Variants in AVL9 observed in about 807,000 individuals in gnomAD.
The protein encoded by AVL9 is AVL9 cell migration associated.
AVL9 carries 49 observed loss-of-function variants against 79.2 expected under a neutral mutation model. That is an observed-to-expected ratio of 0.62 (90% confidence interval 0.49 to 0.79). AVL9 has a LOEUF of 0.79. AVL9 is among the 30% of genes least tolerant of loss of function. The pLI is 0.00. For synonymous variants in AVL9, 299 were observed against 280.6 expected (o/e 1.07, Z -0.65); for missense variants, 682 against 776.8 (o/e 0.88, Z 1.45).
At chr7:32,538,272 A>G (rs1193567358) in intron 1 of AVL9, 1 of 152,254 alleles carries the variant, frequency 6.6e-6, no homozygotes, top group East Asian at 1.9e-4. Flanking sequence ...AGATTATAGG[A>G]TGGAAATAAG....
intron 13 of AVL9, among the ~76,000 whole-genome samples, chr7:32,577,715 A>T (rs958164005): frequency 1.1e-4 from 16 of 152,224 alleles, no homozygotes; most frequent in Non-Finnish European, 2.9e-5. Context: ...GGTCCAAAAG[A>T]GACTTAGCTG....
rs189121306 is a variant in AVL9 at position 32,528,104 on chromosome 7, A to C, written c.94-15037A>C. Among the ~76,000 whole-genome samples, 3 of 152,236 alleles carry C rather than the reference A, an allele frequency of 2.0e-5. No individual in the cohort carries two copies. In the East Asian group the frequency reaches 5.8e-4, roughly 29 times the overall value. On this transcript the variant is annotated intron_variant, in intron 1 of 15. Coordinates refer to ENST00000318709, the MANE Select transcript of AVL9 (RefSeq NM_015060.3). ...TGTCTTCACCCAGACATTCCTTTCT[A>C]TGCATAACTGTCTGAACCATTTCCA...
chr7:32,512,105 A>G (rs1374910025), intron 1 of AVL9, among the ~76,000 whole-genome samples: 2 of 152,222 alleles, frequency 1.3e-5, no homozygotes, highest in African/African-American at 4.8e-5. Context: ...TCAATCAGGG[A>G]AATGGTCCCA....
At chr7:32,505,958 A>G (rs1787394906) in intron 1 of AVL9, among the ~76,000 whole-genome samples, 1 of 152,174 alleles carries the variant, frequency 6.6e-6, no homozygotes, top group Non-Finnish European at 1.5e-5. Flanking sequence ...AACAGCAAAG[A>G]TTCTAAGTCC....
intron 1 of AVL9, chr7:32,531,800 ACT>A (rs1254841845): frequency 1.3e-5 from 2 of 153,394 alleles, no homozygotes; most frequent in East Asian, 1.9e-4. Flanking sequence ...GCAGGAGCAA[ACT>A]CTGTGCAGGC....
intron 10 of AVL9, among the ~76,000 whole-genome samples, chr7:32,560,763 T>TGCATAA: frequency 6.6e-6 from 1 of 152,236 alleles, no homozygotes; most frequent in Non-Finnish European, 1.5e-5. Context: ...TCACTATCCA[T>TGCATAA]GGCAGCTATA....
In AVL9 at chr7:32,558,609, T is replaced by C; in HGVS notation, c.660T>C (p.Thr220=). The change falls in exon 9 of 16, where the codon ACT becomes ACC. Residue 220 remains threonine (T), a synonymous_variant. Coordinates refer to ENST00000318709, the MANE Select transcript of AVL9 (RefSeq NM_015060.3). ...ATAAATTGGTGGGTGCACTGATGAC[T>C]GTGTTATCCCTTTTTCCAGGTAAGA... ...PVNKLVGALM[T]VLSLFPGMIE... is the part of the protein sequence containing the mutation. 6.2e-7 allele frequency: 1 copy of C among 1,611,996 alleles called. No individual in the cohort carries two copies. The highest frequency in any genetic ancestry group is 1.7e-4 in the Middle Eastern group (1 of 5,930).
chr7:32,574,289 G>C (rs966772848), intron 12 of AVL9, among the ~76,000 whole-genome samples: 2 of 152,088 alleles, frequency 1.3e-5, no homozygotes, highest in African/African-American at 4.8e-5. Context: ...AGTGCACATA[G>C]GAGTTTTAAA....
chr7:32,563,877 G>A (rs1790437194), intron 10 of AVL9, among the ~76,000 whole-genome samples: 1 of 152,134 alleles, frequency 6.6e-6, no homozygotes. Flanking sequence ...TATCTTAACT[G>A]ATTTCATGAT....
chr7:32,536,819 C>T (rs787212), intron 1 of AVL9: 54,801 of 151,916 alleles, frequency 0.36, 10,448 homozygotes, highest in African/African-American at 0.47. Context: ...GAAAACTCTT[C>T]GCTTGCATTC....
chr7:32,533,989 C>G (rs529798767), intron 1 of AVL9: 4 of 152,256 alleles, frequency 2.6e-5, no homozygotes, highest in Admixed American at 6.5e-5. Context: ...TTCTTGTTTT[C>G]TCAGTCTTTT....
chr7:32,577,341 AATC>A (rs1162825809), intron 13 of AVL9, among the ~76,000 whole-genome samples: 1 of 152,226 alleles, frequency 6.6e-6, no homozygotes, highest in Non-Finnish European at 1.5e-5. Flanking sequence ...TGGTGAATTT[AATC>A]ATCATACTTG....
intron 1 of AVL9, among the ~76,000 whole-genome samples, chr7:32,517,849 T>A (rs1562759405): frequency 6.6e-6 from 1 of 151,962 alleles, no homozygotes; most frequent in Non-Finnish European, 1.5e-5. Context: ...TGTTTTTTTT[T>A]GAAACATAGT....
In AVL9 at chr7:32,553,819, A is replaced by G. The variant is rs1401991315; in HGVS notation, c.570+52A>G. 4 of 1,344,112 alleles carry G rather than the reference A, an allele frequency of 3.0e-6. No individual in the cohort carries two copies. In the African/African-American group the frequency reaches 5.8e-5, roughly 19 times the overall value. 83.3% of individuals were successfully genotyped at this position (1,344,112 alleles called of 1,614,324 possible). ...ATGATGTACAGTACTAAAATGGCCAACACTGTTCTTAGTGTGCTCATTTAA... is the reference window on the plus strand; with the variant it reads ...ATGATGTACAGTACTAAAATGGCCAGCACTGTTCTTAGTGTGCTCATTTAA... On this transcript the variant is annotated intron_variant, in intron 7 of 15. Transcript: ENST00000318709.
chr7:32,561,226 C>A (rs577814361), intron 10 of AVL9, among the ~76,000 whole-genome samples: 4 of 152,226 alleles, frequency 2.6e-5, no homozygotes, highest in African/African-American at 9.6e-5. Flanking sequence ...TCTTCCCTAC[C>A]TACAAAAGTC....
At chr7:32,508,760 A>G (rs1461266756) in intron 1 of AVL9, among the ~76,000 whole-genome samples, 1 of 152,212 alleles carries the variant, frequency 6.6e-6, no homozygotes, top group Non-Finnish European at 1.5e-5. Flanking sequence ...CTGTTCTGTT[A>G]TGCTACTTTG....
intron 8 of AVL9, among the ~76,000 whole-genome samples, chr7:32,558,319 G>A (rs531300564): frequency 8.6e-5 from 13 of 151,610 alleles, no homozygotes; most frequent in East Asian, 7.8e-4. Flanking sequence ...CACCATGCCC[G>A]GCTAAGTTTT....
At chr7:32,506,433 T>C (rs13235450) in intron 1 of AVL9, among the ~76,000 whole-genome samples, 51,854 of 152,004 alleles carry the variant, frequency 0.34, 9,116 homozygotes, top group South Asian at 0.44. Context: ...GAGGGTAGCC[T>C]GTACAGCGAG....
At chr7:32,539,414 A>C (rs1457963109) in intron 1 of AVL9, 1 of 152,008 alleles carries the variant, frequency 6.6e-6, no homozygotes, top group East Asian at 1.9e-4. Context: ...TTTTGTTCTT[A>C]AAGTACTGGG....
Sources: allele counts gnomAD v4.1 joint callset (sites outside exome capture counted in the v4.1 genomes callset), GRCh38; gene constraint gnomAD v4.1.1; transcripts MANE v1.5; gene names NCBI Gene and HGNC (gene_info 2026-07-23, HGNC 2026-07-21).